HYCC2: variants seen among roughly 807,000 people sequenced by gnomAD.
HYCC2 encodes hyccin 2.
chr2:201,049,899 C>A, the HYCC2 span, among the ~76,000 whole-genome samples: 1 of 151,662 alleles, frequency 6.6e-6, no homozygotes, highest in African/African-American at 2.4e-5. Flanking sequence ...AGCGTCTCAC[C>A]ATATTGCCCA....
the HYCC2 span, among the ~76,000 whole-genome samples, chr2:201,045,784 T>C: frequency 4.6e-5 from 7 of 152,284 alleles, no homozygotes; most frequent in African/African-American, 1.2e-4. Context: ...AAGCATTATT[T>C]TGAAGACAGA....
At chr2:200,993,697 T>C in the HYCC2 span, among the ~76,000 whole-genome samples, 1 of 152,088 alleles carries the variant, frequency 6.6e-6, no homozygotes, top group African/African-American at 2.4e-5. Flanking sequence ...AATAGCATTA[T>C]ATGGCCAGGC....
chr2:201,000,575 C>T, the HYCC2 span, among the ~76,000 whole-genome samples: 2 of 151,950 alleles, frequency 1.3e-5, no homozygotes, highest in African/African-American at 4.8e-5. Context: ...GGAAAATAAG[C>T]GTGAGAATGT....
the HYCC2 span, among the ~76,000 whole-genome samples, chr2:201,060,368 G>A: frequency 6.6e-6 from 1 of 152,184 alleles, no homozygotes; most frequent in African/African-American, 2.4e-5. Flanking sequence ...ATAGCCAAAT[G>A]ACTATGTTTC....
chr2:201,056,071 G>A, the HYCC2 span, among the ~76,000 whole-genome samples: 1 of 152,214 alleles, frequency 6.6e-6, no homozygotes, highest in African/African-American at 2.4e-5. Context: ...CCTGTAGCCT[G>A]TAGTCCCAGC....
At chr2:200,982,267 T>C in the HYCC2 span, among the ~76,000 whole-genome samples, 1 of 152,024 alleles carries the variant, frequency 6.6e-6, no homozygotes, top group African/African-American at 2.4e-5. Flanking sequence ...CATACCTTCT[T>C]TAACCCACCA....
At chr2:200,997,352 T>C in the HYCC2 span, 1 of 865,152 alleles carries the variant, frequency 1.2e-6, no homozygotes, top group South Asian at 1.6e-5. Context: ...ACTGCTGTAA[T>C]ACCAGAAGTT....
chr2:201,063,126 T>C, the HYCC2 span: 2 of 1,610,414 alleles, frequency 1.2e-6, no homozygotes, highest in Non-Finnish European at 1.7e-6. Flanking sequence ...CCCGAACAGC[T>C]GAGGAAGCTC....
chr2:200,978,031 A>G, the HYCC2 span: 8 of 152,264 alleles, frequency 5.3e-5, no homozygotes, highest in South Asian at 1.5e-3. Context: ...TTCTCCCTAA[A>G]TATCTTTTTC....
the HYCC2 span, among the ~76,000 whole-genome samples, chr2:201,037,255 T>A: frequency 2.5e-4 from 38 of 152,292 alleles, no homozygotes; most frequent in African/African-American, 9.1e-4. Flanking sequence ...CATAAAAAAA[T>A]GGAAGAACAT....
At chr2:201,067,003 C>A in the HYCC2 span, 1 of 345,214 alleles carries the variant, frequency 2.9e-6, no homozygotes, top group South Asian at 2.5e-5. Context: ...TAGAAGACAA[C>A]ATATTTGTGT....
At chr2:201,053,946 A>G in the HYCC2 span, among the ~76,000 whole-genome samples, 1 of 152,202 alleles carries the variant, frequency 6.6e-6, no homozygotes, top group African/African-American at 2.4e-5. Flanking sequence ...CCTGGATGAC[A>G]GAGCGAGACT....
the HYCC2 span, among the ~76,000 whole-genome samples, chr2:201,057,509 T>G: frequency 1.3e-5 from 2 of 152,348 alleles, no homozygotes; most frequent in East Asian, 3.9e-4. Context: ...CAAATCTCTC[T>G]TTTTCAAATT....
At chr2:200,995,437 TAACCA>T in the HYCC2 span, among the ~76,000 whole-genome samples, 1 of 152,198 alleles carries the variant, frequency 6.6e-6, no homozygotes, top group African/African-American at 2.4e-5. Context: ...AGCTTGCTTC[TAACCA>T]GCAGAATAAG....
the HYCC2 span, among the ~76,000 whole-genome samples, chr2:201,003,938 C>T: frequency 6.6e-6 from 1 of 151,138 alleles, no homozygotes; most frequent in Admixed American, 6.6e-5. Context: ...CTCAGCCTCC[C>T]GAGTAGCTAG....
the HYCC2 span, among the ~76,000 whole-genome samples, chr2:201,008,491 G>A: frequency 2.0e-5 from 3 of 152,248 alleles, no homozygotes; most frequent in Admixed American, 1.3e-4. Context: ...TGAGTGCAGT[G>A]GTGCATGCCT....
the HYCC2 span, among the ~76,000 whole-genome samples, chr2:201,030,568 GATCT>G: frequency 6.6e-6 from 1 of 150,576 alleles, no homozygotes; most frequent in African/African-American, 2.4e-5. Flanking sequence ...AAGATCTATA[GATCT>G]ATCTCATTCC....
At chr2:200,984,202 G>A in the HYCC2 span, among the ~76,000 whole-genome samples, 17 of 151,964 alleles carry the variant, frequency 1.1e-4, no homozygotes, top group Admixed American at 7.9e-4. Context: ...ACCATGCTTG[G>A]CTAATTTTTG....
At chr2:200,976,028 T>G in the HYCC2 span, 5 of 152,104 alleles carry the variant, frequency 3.3e-5, no homozygotes, top group African/African-American at 1.2e-4. Context: ...TTGTTAACAG[T>G]TTTACACTGC....
Sources: allele counts gnomAD v4.1 joint callset (sites outside exome capture counted in the v4.1 genomes callset), GRCh38; gene constraint gnomAD v4.1.1; transcripts MANE v1.5; gene names NCBI Gene and HGNC (gene_info 2026-07-23, HGNC 2026-07-21).